SCN1A: variants seen among roughly 807,000 people sequenced by gnomAD.
SCN1A encodes sodium voltage-gated channel alpha subunit 1.
In SCN1A, 13 loss-of-function variants were observed where a neutral mutation model predicts 193.7. The observed-to-expected ratio is 0.07, with a 90% CI of 0.04 to 0.11. The LOEUF is 0.11. SCN1A is among the 10% of genes least tolerant of loss of function. The probability of loss-of-function intolerance (pLI) is 1.00; values close to 1 mark genes in which losing one functional copy is unlikely to be tolerated. For missense variants in SCN1A, 1,432 were observed against 2,451.1 expected (o/e 0.58, Z 8.78); for synonymous variants, 781 against 843.6 (o/e 0.93, Z 1.29).
chr2:166,042,687 G>A (rs1177057719), intron 14 of SCN1A, among the ~76,000 whole-genome samples: 1 of 152,072 alleles, frequency 6.6e-6, no homozygotes, highest in African/African-American at 2.4e-5. Flanking sequence ...TAATATAGTT[G>A]ATAAAACTCT....
chr2:166,021,537 TA>T (rs1428484336), intron 19 of SCN1A, among the ~76,000 whole-genome samples: 3 of 152,070 alleles, frequency 2.0e-5, no homozygotes, highest in Non-Finnish European at 4.4e-5. Flanking sequence ...GTCAATAGAT[TA>T]AAATAAATAA....
chr2:166,036,366 G>T lies in SCN1A; in HGVS notation c.3111C>A (p.Ser1037=), dbSNP rs1204620691. The T allele has an allele frequency of 1.2e-6, 2 of 1,606,136 alleles. No homozygotes were observed. Among genetic ancestry groups the T allele is most frequent in the South Asian group, 2.2e-5 (2 of 89,084 alleles). ...KRKIYEFIQQ[S]FIRKQKILDE... Reference sequence around the variant, plus strand: ...CTAAAATCTTTTGTTTCCTAATGAAGGACTGTTGAATAAATTCATATATTT... The same window carrying T: ...CTAAAATCTTTTGTTTCCTAATGAATGACTGTTGAATAAATTCATATATTT... The change falls in exon 19 of 29, where the codon TCC becomes TCA. Residue 1037 remains serine (S), a synonymous_variant. Transcript: ENST00000674923.
chr2:166,002,365 A>G, intron 24 of SCN1A, 107 bp downstream of exon 24: 3 of 1,206,934 alleles, frequency 2.5e-6, no homozygotes, highest in East Asian at 2.6e-5. Context: ...TTTTTTAAAT[A>G]GAAAGAAATA....
At chr2:166,034,032 A>G (rs1002308323) in intron 19 of SCN1A, among the ~76,000 whole-genome samples, 3 of 152,200 alleles carry the variant, frequency 2.0e-5, no homozygotes, top group African/African-American at 7.2e-5. Flanking sequence ...GGAAAACTCA[A>G]ATAAACAAAG....
chr2:165,999,917 A>G, intron 24 of SCN1A, 141 bp from the exon 25 acceptor site: 2 of 736,092 alleles, frequency 2.7e-6, no homozygotes, highest in Non-Finnish European at 4.9e-6. Flanking sequence ...CAGATTTTGG[A>G]CCAAGACAGT....
At chr2:166,118,552 T>C (rs1046121658) in intron 2 of SCN1A, among the ~76,000 whole-genome samples, 5 of 151,922 alleles carry the variant, frequency 3.3e-5, no homozygotes, top group Non-Finnish European at 5.9e-5. Context: ...ACTGAAATGA[T>C]GGTATTCTAG....
At chr2:166,130,100 G>C (rs972853202), upstream of SCN1A, among the ~76,000 whole-genome samples, 1 of 152,134 alleles carries the variant, frequency 6.6e-6, no homozygotes, top group Non-Finnish European at 1.5e-5. Context: ...GTCTACTCAA[G>C]ATCCAAACAC....
Position 166,042,592 on chromosome 2 carries a change from T to A in SCN1A, c.2044-168A>T, listed in dbSNP as rs10167228. On this transcript the variant is annotated intron_variant, in intron 14 of 28. Coordinates refer to ENST00000674923, the MANE Select transcript of SCN1A (RefSeq NM_001165963.4). Reference sequence around the variant, plus strand: ...TTATTGTATCATTAGCCTGGAATGTTCAAACTGTTAACCATTTAGTCATAC... The same window carrying A: ...TTATTGTATCATTAGCCTGGAATGTACAAACTGTTAACCATTTAGTCATAC... 0.74 allele frequency among the ~76,000 whole-genome samples: 112,250 copies of A among 152,144 alleles called. 41,799 individuals carry two copies. Among genetic ancestry groups the A allele is most frequent in the East Asian group, 0.89 (4,619 of 5,186 alleles).
At chr2:166,072,848 T>TC (rs569740104) in intron 4 of SCN1A, among the ~76,000 whole-genome samples, 129 of 132,498 alleles carry the variant, frequency 9.7e-4, no homozygotes, top group African/African-American at 4.6e-3. Context: ...TTTTTTTTTT[T>TC]TTTTTTTTTG....
Position 166,045,198 on chromosome 2 carries a change from T to C in SCN1A, c.1507A>G (p.Lys503Glu). Residue 503 changes from lysine (K) to glutamate (E), a missense_variant, in exon 13 of 29, where the codon AAA becomes GAA. This residue lies in a region of SCN1A where 316 missense variants were observed against 362.1 expected (regional missense o/e 0.87). Coordinates refer to ENST00000674923, the MANE Select transcript of SCN1A (RefSeq NM_001165963.4). ...CCAGACTGCTCTTTCTGTTTTCTTTTCTTCCTCCGATTTCTTCTTTCCTTA... is the reference window on the plus strand; with the variant it reads ...CCAGACTGCTCTTTCTGTTTTCTTTCCTTCCTCCGATTTCTTCTTTCCTTA... Reference protein sequence around the residue: ...SAKERRNRRKKRKQKEQSGGE... With the variant: ...SAKERRNRRKERKQKEQSGGE... 1 of 1,614,204 alleles carries C rather than the reference T, an allele frequency of 6.2e-7. No homozygotes were observed. The highest frequency in any genetic ancestry group is 8.5e-7 in the Non-Finnish European group (1 of 1,180,036).
chr2:166,120,906 G>A (rs1435440762), intron 2 of SCN1A, among the ~76,000 whole-genome samples: 5 of 151,830 alleles, frequency 3.3e-5, no homozygotes, highest in Non-Finnish European at 1.5e-5. Flanking sequence ...TTGAGCCACT[G>A]TATCTGGCCT....
chr2:166,039,355 A>G, intron 17 of SCN1A, 68 bp downstream of exon 17: 1 of 1,509,916 alleles, frequency 6.6e-7, no homozygotes, highest in Non-Finnish European at 9.1e-7. Flanking sequence ...AAACTATGAC[A>G]TTGCTATGCA....
At chr2:166,014,355 G>A (rs903550685) in intron 20 of SCN1A, among the ~76,000 whole-genome samples, 2 of 151,548 alleles carry the variant, frequency 1.3e-5, no homozygotes, top group African/African-American at 2.4e-5. Context: ...TTTTTGTGAT[G>A]TGCCTAGAAG....
At chr2:166,145,333 G>A (rs536646171) in intron 1 of SCN1A, among the ~76,000 whole-genome samples, 297 of 151,978 alleles carry the variant, frequency 2.0e-3, no homozygotes, top group Non-Finnish European at 3.2e-3. Context: ...CACCACTCCC[G>A]GCAGGGATCA....
rs13398882 is a variant in SCN1A, at chr2:165,995,889, G to C, written c.4581+124C>G. 1,551 of 687,644 alleles carry C rather than the reference G, an allele frequency of 2.3e-3. 14 individuals carry two copies. In the African/African-American group the frequency reaches 0.025, roughly 11 times the overall value. The allele number at this position is 687,644 out of a possible 1,614,324, so 42.6% of individuals were successfully genotyped here. ...ATAAAAGATACAAACATCACTTTTA[G>C]ATGATGCTCTACAAGTGAAAGAAAT... On this transcript the variant is annotated intron_variant, in intron 27 of 28. Coordinates refer to ENST00000674923, the MANE Select transcript of SCN1A (RefSeq NM_001165963.4).
chr2:166,059,653 T>A (rs1032571148), intron 4 of SCN1A: 5 of 152,214 alleles, frequency 3.3e-5, no homozygotes, highest in Admixed American at 6.5e-5. Context: ...AGCTTCTTGA[T>A]TTTAAATTCA....
intron 19 of SCN1A, chr2:166,015,977 A>C: frequency 2.2e-6 from 1 of 457,510 alleles, no homozygotes. Flanking sequence ...GCCATCAGCC[A>C]CATGTACTGA....
intron 6 of SCN1A, among the ~76,000 whole-genome samples, chr2:166,055,566 G>A (rs1016184829): frequency 2.6e-5 from 4 of 151,896 alleles, no homozygotes; most frequent in Non-Finnish European, 4.4e-5. Flanking sequence ...AAATGTTGGT[G>A]GACACTCTTG....
Position 166,058,557 on chromosome 2 carries a change from T to G in SCN1A, c.383+13A>C. On this transcript the variant is annotated intron_variant, in intron 5 of 28. Coordinates refer to ENST00000674923, the MANE Select transcript of SCN1A (RefSeq NM_001165963.4). The stretch of plus-strand genomic sequence containing the variant: ...GTACAAATAGTTAATATTAATCACT[T>G]GAAAAAGGATATGAATGTACCAAAA... 1 of 1,402,148 alleles carries G rather than the reference T, an allele frequency of 7.1e-7. No homozygotes were observed. The highest frequency in any genetic ancestry group is 2.3e-5 in the East Asian group (1 of 43,754). The allele number at this position is 1,402,148 out of a possible 1,614,324, so 86.9% of individuals were successfully genotyped here.
Sources: gnomAD v4.1 joint callset for allele counts (sites outside exome capture counted in the v4.1 genomes callset) on GRCh38, gnomAD v4.1.1 for gene constraint, gnomAD v4.1.1 regional missense constraint, MANE v1.5 for transcripts, NCBI Gene and HGNC (gene_info 2026-07-23, HGNC 2026-07-21) for gene names.